The following NTRK3 variants were observed in gnomAD, a reference collection of about 807,000 sequenced individuals.
NTRK3 encodes the protein NT-3 growth factor receptor.
A neutral mutation model predicts 91.7 loss-of-function variants in NTRK3; 24 were observed. That is an observed-to-expected ratio of 0.26 (90% confidence interval 0.19 to 0.37). The LOEUF is 0.37. Among genes scored for constraint, NTRK3 ranks in the 10% least tolerant of loss-of-function variants. NTRK3 has a pLI of 1.00. For missense variants in NTRK3, 880 were observed against 1,068.9 expected (o/e 0.82, Z 2.46); for synonymous variants, 483 against 404.0 (o/e 1.20, Z -2.34).
At chr15:88,009,365 G>A (rs1375705601) in intron 14 of NTRK3, among the ~76,000 whole-genome samples, 1 of 151,672 alleles carries the variant, frequency 6.6e-6, no homozygotes, top group African/African-American at 2.4e-5. Flanking sequence ...GAAAGAGTTG[G>A]GTGTAAGACA....
At chr15:88,040,846 C>T (rs974443750) in intron 13 of NTRK3, among the ~76,000 whole-genome samples, 7 of 152,322 alleles carry the variant, frequency 4.6e-5, no homozygotes, top group African/African-American at 9.6e-5. Flanking sequence ...AGATATGTTG[C>T]TGGGCACTTT....
chr15:87,880,877 A>G (rs1375057779), intron 17 of NTRK3, among the ~76,000 whole-genome samples: 1 of 152,264 alleles, frequency 6.6e-6, no homozygotes, highest in African/African-American at 2.4e-5. Flanking sequence ...GCAGAACTTT[A>G]GCTTCTAACT....
At chr15:88,104,590 G>A (rs1194818785) in intron 13 of NTRK3, among the ~76,000 whole-genome samples, 1 of 152,182 alleles carries the variant, frequency 6.6e-6, no homozygotes, top group Non-Finnish European at 1.5e-5. Context: ...CAGCACTGAA[G>A]TTCAGTTACT....
At chr15:87,969,705 C>T (rs1484275498) in intron 14 of NTRK3, among the ~76,000 whole-genome samples, 1 of 152,188 alleles carries the variant, frequency 6.6e-6, no homozygotes, top group Non-Finnish European at 1.5e-5. Context: ...CCCTAGCCAG[C>T]CCAGGCAACT....
At position 88,241,109 on chromosome 15, in the gene NTRK3, G is replaced by A. The variant is rs972080944; in HGVS notation, c.248+14797C>T. ...CCTTCAGGAGCTCACCACACAGTGA[G>A]GAAACAGGAACATTAACAAGCTAAT... On this transcript the variant is annotated intron_variant, in intron 3 of 18. Transcript: ENST00000394480. The surrounding 1 kb of genome is among the most constrained non-coding windows in gnomAD (Gnocchi z 4.3). 6.6e-6 allele frequency among the ~76,000 whole-genome samples: 1 copy of A among 152,202 alleles called. No homozygotes were observed. Among genetic ancestry groups the A allele is most frequent in the African/African-American group, 2.4e-5 (1 of 41,466 alleles).
intron 13 of NTRK3, among the ~76,000 whole-genome samples, chr15:88,109,643 G>A (rs111597854): frequency 0.015 from 2,230 of 152,192 alleles, 43 homozygotes; most frequent in African/African-American, 0.049. Context: ...GGGGCTGGGC[G>A]GGGGGCGTTG....
At chr15:87,882,541 T>C (rs2065309964) in intron 17 of NTRK3, among the ~76,000 whole-genome samples, 1 of 152,104 alleles carries the variant, frequency 6.6e-6, no homozygotes, top group African/African-American at 2.4e-5. Context: ...ATAATACTAA[T>C]AATGCTATTA....
In NTRK3 at chr15:88,082,104, G is replaced by A. The variant is rs143922597; in HGVS notation, c.1396+44167C>T. 9.5e-3 allele frequency among the ~76,000 whole-genome samples: 1,447 copies of A among 152,032 alleles called. 27 individuals are homozygous for A. The highest frequency in any genetic ancestry group is 0.032 in the African/African-American group (1,341 of 41,480). ...ATCCTGACTAACACGGTGAAACCCC[G>A]TCCCTACTGAAAATACAAAAAAAAT... is the stretch of plus-strand genomic sequence containing the variant. On this transcript the variant is annotated intron_variant, in intron 13 of 18. Transcript: ENST00000394480.
At chr15:87,944,381 A>G (rs749611528) in intron 14 of NTRK3, among the ~76,000 whole-genome samples, 2 of 152,204 alleles carry the variant, frequency 1.3e-5, no homozygotes, top group Non-Finnish European at 2.9e-5. Flanking sequence ...AAGGGAATTA[A>G]CTTGCACGCT....
intron 10 of NTRK3, among the ~76,000 whole-genome samples, chr15:88,132,427 C>T (rs912581629): frequency 6.6e-6 from 1 of 152,200 alleles, no homozygotes; most frequent in Admixed American, 6.5e-5. Context: ...AGTGATTGTC[C>T]TCCATCTAGT....
At chr15:88,033,176 T>TCATATATATATATATATATATATATATA (rs1491166187) in intron 13 of NTRK3, 131 bp from the exon 14 acceptor site, 2 of 192,388 alleles carry the variant, frequency 1.0e-5, no homozygotes, top group South Asian at 5.5e-5. Flanking sequence ...GGGGGGTGTG[T>TCATATATATATATATATATATATATATA]TATATATATA....
chr15:88,021,645 G>C (rs541200585), intron 14 of NTRK3, among the ~76,000 whole-genome samples: 1 of 152,054 alleles, frequency 6.6e-6, no homozygotes, highest in Non-Finnish European at 1.5e-5. Flanking sequence ...GCAAAACAAT[G>C]AATTAAAGGC....
chr15:88,001,897 T>C (rs1204949815), intron 14 of NTRK3, among the ~76,000 whole-genome samples: 1 of 152,170 alleles, frequency 6.6e-6, no homozygotes, highest in Non-Finnish European at 1.5e-5. Context: ...TGACAGACTG[T>C]GGTTAAATCT....
At chr15:87,863,039 G>C (rs1192460322) in exon 19 of NTRK3, 2 of 230,836 alleles carry the variant, frequency 8.7e-6, no homozygotes, top group African/African-American at 4.4e-5. Flanking sequence ...CTTCATTTAG[G>C]GGTTTACAAG....
At position 88,237,966 on chromosome 15, in the gene NTRK3, G is replaced by T. The variant is rs1450368934; in HGVS notation, c.248+17940C>A. ...GAATGTAACTGTATTTGGAGATAGG[G>T]TCTTTAAAGAAGTAATTAAGTTTAA... On this transcript the variant is annotated intron_variant, in intron 3 of 18. Transcript: ENST00000394480. This position sits in a 1 kb window ranked among gnomAD's most constrained non-coding sequence, Gnocchi z 4.0. 6.6e-6 allele frequency among the ~76,000 whole-genome samples: 1 copy of T among 152,180 alleles called. No individual in the cohort carries two copies. The highest frequency in any genetic ancestry group is 2.4e-5 in the African/African-American group (1 of 41,426).
At chr15:88,092,388 C>T (rs2049099029) in intron 13 of NTRK3, among the ~76,000 whole-genome samples, 1 of 152,190 alleles carries the variant, frequency 6.6e-6, no homozygotes, top group African/African-American at 2.4e-5. Context: ...AACATACAAG[C>T]AACTGCTGCA....
At chr15:87,972,986 A>C (rs1200728022) in intron 14 of NTRK3, among the ~76,000 whole-genome samples, 1 of 152,150 alleles carries the variant, frequency 6.6e-6, no homozygotes, top group Admixed American at 6.5e-5. Context: ...CTCAAAGCAG[A>C]GCATGCCCCA....
intron 10 of NTRK3, among the ~76,000 whole-genome samples, chr15:88,134,847 A>AT (rs1445027712): frequency 6.6e-6 from 1 of 152,210 alleles, no homozygotes; most frequent in Non-Finnish European, 1.5e-5. Context: ...CTCTACTATC[A>AT]TACAGTGTGC....
chr15:87,915,802 A>T (rs1370665735), intron 17 of NTRK3, among the ~76,000 whole-genome samples: 3 of 152,154 alleles, frequency 2.0e-5, no homozygotes, highest in Non-Finnish European at 2.9e-5. Flanking sequence ...ATCTTATTTA[A>T]TGTGCACAAA....
Sources: allele counts gnomAD v4.1 joint callset (sites outside exome capture counted in the v4.1 genomes callset), GRCh38; gene constraint gnomAD v4.1.1; non-coding constraint Gnocchi (gnomAD v3.1); transcripts MANE v1.5; gene names NCBI Gene and HGNC (gene_info 2026-07-23, HGNC 2026-07-21).